Variants in NELL2 observed in about 807,000 individuals in gnomAD.
NELL2 encodes neural EGFL like 2.
Under a neutral mutation model 109.6 loss-of-function variants are expected in NELL2, and 41 were observed. The observed-to-expected ratio is 0.37, with a 90% CI of 0.29 to 0.49. The LOEUF is 0.49. NELL2 is among the 20% of genes least tolerant of loss of function. NELL2 has a pLI of 0.98. For synonymous variants in NELL2, 355 were observed against 344.7 expected, an observed-to-expected ratio of 1.03 and a Z score of -0.33; for missense variants, 900 against 1,008.3, an observed-to-expected ratio of 0.89 and a Z score of 1.45.
chr12:44,854,838 G>A (rs568672274), intron 2 of NELL2, among the ~76,000 whole-genome samples: 35 of 152,114 alleles, frequency 2.3e-4, no homozygotes, highest in African/African-American at 8.0e-4. Flanking sequence ...TTTGTTGAAA[G>A]CATTTATCTT....
chr12:44,833,393 T>A (rs951743280), intron 2 of NELL2, among the ~76,000 whole-genome samples: 5 of 152,204 alleles, frequency 3.3e-5, no homozygotes, highest in African/African-American at 1.2e-4. Context: ...CACATTTTCA[T>A]TATTTTTCAG....
intron 1 of NELL2, among the ~76,000 whole-genome samples, chr12:44,897,763 C>T (rs1945611066): frequency 6.6e-6 from 1 of 151,926 alleles, no homozygotes; most frequent in South Asian, 2.1e-4. Flanking sequence ...GCCCCCGAGA[C>T]AGAACTGTTT....
chr12:44,649,206 TTCCC>T (rs113794471), intron 13 of NELL2, among the ~76,000 whole-genome samples: 16 of 151,832 alleles, frequency 1.1e-4, no homozygotes, highest in African/African-American at 3.4e-4. Flanking sequence ...CTCTTCCTCC[TTCCC>T]TCCCTCCCTC....
chr12:44,529,839 T>C (rs753079464), intron 16 of NELL2, among the ~76,000 whole-genome samples: 45 of 152,212 alleles, frequency 3.0e-4, no homozygotes, highest in Non-Finnish European at 2.4e-4. Flanking sequence ...ATAACAAGTA[T>C]TGAAAATATT....
At position 44,875,216 on chromosome 12, in the gene NELL2, C is replaced by T. The variant is rs1424486338; in HGVS notation, c.184+9G>A. ...AAATCACAGTGGGGATGCAGCACGC[C>T]GGGCATACCTTGAAAGAGAAAGGCT... On this transcript the variant is annotated intron_variant, in intron 2 of 19. Transcript: ENST00000429094. 6.2e-7 allele frequency: 1 copy of T among 1,606,046 alleles called. No individual in the cohort carries two copies. Among genetic ancestry groups the T allele is most frequent in the East Asian group, 2.2e-5 (1 of 44,654 alleles).
intron 1 of NELL2, among the ~76,000 whole-genome samples, chr12:44,907,484 A>T (rs1021527279): frequency 6.6e-6 from 1 of 152,108 alleles, no homozygotes; most frequent in African/African-American, 2.4e-5. Flanking sequence ...TGGCCTTTGG[A>T]TTTAGCAATA....
At chr12:44,692,528 C>A (rs1236351092) in intron 12 of NELL2, among the ~76,000 whole-genome samples, 5 of 152,120 alleles carry the variant, frequency 3.3e-5, no homozygotes, top group Non-Finnish European at 7.4e-5. Flanking sequence ...AAATATATTT[C>A]TTAAGACTAT....
intron 2 of NELL2, among the ~76,000 whole-genome samples, chr12:44,825,871 C>T (rs1426741222): frequency 3.3e-5 from 5 of 151,412 alleles, no homozygotes; most frequent in African/African-American, 7.3e-5. Flanking sequence ...GGAGAAACCC[C>T]GTCTTTACCA....
chr12:44,525,583 T>C (rs1209882736), intron 16 of NELL2, among the ~76,000 whole-genome samples: 1 of 152,208 alleles, frequency 6.6e-6, no homozygotes, highest in Non-Finnish European at 1.5e-5. Flanking sequence ...AGTTTGGTTA[T>C]AACAAGATTC....
chr12:44,723,298 T>A (rs1007037411), intron 9 of NELL2, among the ~76,000 whole-genome samples: 3 of 152,024 alleles, frequency 2.0e-5, no homozygotes, highest in African/African-American at 7.3e-5. Context: ...TAGAGCTAAG[T>A]TGACAACTAT....
intron 13 of NELL2, among the ~76,000 whole-genome samples, chr12:44,634,182 T>C (rs1398183105): frequency 6.6e-6 from 1 of 152,170 alleles, no homozygotes; most frequent in East Asian, 1.9e-4. Flanking sequence ...TTCTTTTTTA[T>C]AAATACATAC....
chr12:44,600,726 G>C (rs1276048831), intron 15 of NELL2, among the ~76,000 whole-genome samples: 1 of 152,152 alleles, frequency 6.6e-6, no homozygotes, highest in Non-Finnish European at 1.5e-5. Context: ...TTTCCTATTT[G>C]AACTACTCTG....
At chr12:44,788,460 G>C (rs1942262104) in intron 3 of NELL2, among the ~76,000 whole-genome samples, 1 of 152,166 alleles carries the variant, frequency 6.6e-6, no homozygotes, top group African/African-American at 2.4e-5. Flanking sequence ...AGTCAATCTA[G>C]AGAGCCTAGT....
At chr12:44,809,664 C>T (rs11182691) in intron 3 of NELL2, among the ~76,000 whole-genome samples, 5,147 of 152,160 alleles carry the variant, frequency 0.034, 279 homozygotes, top group African/African-American at 0.12. Flanking sequence ...GTTCATGGCA[C>T]ACCAGGGCAC....
chr12:44,686,726 C>T (rs903138830), intron 12 of NELL2, among the ~76,000 whole-genome samples: 22 of 152,174 alleles, frequency 1.4e-4, no homozygotes, highest in Non-Finnish European at 1.3e-4. Context: ...TTAGTCTGCT[C>T]GGGGGTCAGG....
At chr12:44,691,950 C>T (rs1191828341) in intron 12 of NELL2, among the ~76,000 whole-genome samples, 1 of 152,124 alleles carries the variant, frequency 6.6e-6, no homozygotes, top group Non-Finnish European at 1.5e-5. Flanking sequence ...AACCAGCAAG[C>T]GCTGATGTAC....
chr12:44,875,439 CGTTTTCGCGACAATAT>C, intron 1 of NELL2, 86 bp from the exon 2 acceptor site: 1 of 1,613,872 alleles, frequency 6.2e-7, no homozygotes, highest in Non-Finnish European at 8.5e-7. Flanking sequence ...CAAAGAACCG[CGTTTTCGCGACAATAT>C]TGGGAACTGA....
intron 19 of NELL2, among the ~76,000 whole-genome samples, chr12:44,519,448 T>C (rs73096326): frequency 0.04 from 6,074 of 152,264 alleles, 153 homozygotes; most frequent in Admixed American, 0.059. Context: ...AGAAAGAGCT[T>C]TGTAATGGTT....
chr12:44,837,794 T>C (rs1944100666), intron 2 of NELL2, among the ~76,000 whole-genome samples: 1 of 152,218 alleles, frequency 6.6e-6, no homozygotes, highest in Admixed American at 6.5e-5. Context: ...GCCTTGACTT[T>C]TCTATCCCAT....
Sources: allele counts gnomAD v4.1 joint callset (sites outside exome capture counted in the v4.1 genomes callset), GRCh38; gene constraint gnomAD v4.1.1; transcripts MANE v1.5; gene names NCBI Gene and HGNC (gene_info 2026-07-23, HGNC 2026-07-21).